FAM110B: variants seen among roughly 807,000 people sequenced by gnomAD.
FAM110B encodes the protein family with sequence similarity 110 member B.
FAM110B carries 6 observed loss-of-function variants against 20.4 expected under a neutral mutation model. The observed-to-expected ratio is 0.29, with a 90% CI of 0.16 to 0.58. FAM110B has a LOEUF of 0.58. Ranked by LOEUF, FAM110B falls within the 20% of genes least tolerant of loss-of-function variation. The pLI, the probability that FAM110B is intolerant of heterozygous loss-of-function variation, is 0.90. For synonymous variants in FAM110B, 226 were observed against 214.1 expected (o/e 1.06, Z -0.49); for missense variants, 434 against 498.2 (o/e 0.87, Z 1.23).
At chr8:58,077,061 A>T (rs1257832167) in intron 3 of FAM110B, 2 of 151,924 alleles carry the variant, frequency 1.3e-5, no homozygotes, top group Non-Finnish European at 2.9e-5. Flanking sequence ...AGCCAACAAC[A>T]CCCCTCAGTG....
At chr8:58,015,759 C>T (rs1421405855) in intron 1 of FAM110B, among the ~76,000 whole-genome samples, 2 of 150,632 alleles carry the variant, frequency 1.3e-5, no homozygotes, top group African/African-American at 4.9e-5. Context: ...GCAGGACAAT[C>T]GCTTGAATCC....
chr8:58,056,449 A>G (rs925395232), intron 2 of FAM110B, among the ~76,000 whole-genome samples: 2 of 152,196 alleles, frequency 1.3e-5, no homozygotes, highest in African/African-American at 2.4e-5. Flanking sequence ...AAGTCAGACT[A>G]AGAGAGAGCA....
intron 3 of FAM110B, among the ~76,000 whole-genome samples, chr8:58,092,965 C>T (rs911201460): frequency 7.9e-5 from 12 of 152,058 alleles, no homozygotes; most frequent in African/African-American, 2.7e-4. Flanking sequence ...GGTATCTCAT[C>T]GTGGTTTTGT....
chr8:58,080,942 C>T (rs2150596949), intron 3 of FAM110B, among the ~76,000 whole-genome samples: 1 of 152,290 alleles, frequency 6.6e-6, no homozygotes, highest in South Asian at 2.1e-4. Flanking sequence ...AGCTCCACAT[C>T]ATCCTTGGTC....
At chr8:58,053,288 A>G (rs1805490346) in intron 2 of FAM110B, among the ~76,000 whole-genome samples, 1 of 152,190 alleles carries the variant, frequency 6.6e-6, no homozygotes, top group Admixed American at 6.5e-5. Flanking sequence ...GTGGTGAGGA[A>G]TGGTCAGGTT....
intron 1 of FAM110B, among the ~76,000 whole-genome samples, chr8:57,999,630 T>C (rs555766195): frequency 8.5e-5 from 13 of 152,308 alleles, no homozygotes; most frequent in Admixed American, 3.9e-4. Flanking sequence ...TAAACAGATA[T>C]TGATAGAGGA....
intron 2 of FAM110B, among the ~76,000 whole-genome samples, chr8:58,040,658 G>T (rs927132804): frequency 2.0e-5 from 3 of 152,008 alleles, no homozygotes; most frequent in African/African-American, 7.2e-5. Context: ...CACCTTTTTT[G>T]CTAACAATTA....
chr8:58,125,077 G>A (rs962626336), intron 3 of FAM110B, among the ~76,000 whole-genome samples: 4 of 152,232 alleles, frequency 2.6e-5, no homozygotes, highest in African/African-American at 9.6e-5. Context: ...GCCAGGTGCA[G>A]TGGCTTATGC....
In FAM110B at chr8:58,148,299, G is replaced by A. The variant is rs1803919046; in HGVS notation, c.*956G>A. ...TTTGAGCTATCTGAAGACATGAACA[G>A]AAGTCAAATACCAGCCATATCAGTA... is the stretch of plus-strand genomic sequence containing the variant. On this transcript the variant is annotated 3_prime_UTR_variant, in exon 4 of 4. Coordinates refer to ENST00000519262, the MANE Select transcript of FAM110B (RefSeq NM_001377989.1). 6.0e-6 allele frequency: 1 copy of A among 165,848 alleles called. No individual in the cohort carries two copies. The highest frequency in any genetic ancestry group is 2.1e-4 in the South Asian group (1 of 4,738). 10.3% of individuals were successfully genotyped at this position (165,848 alleles called of 1,614,324 possible). A position where few individuals can be genotyped will look rare whatever the true frequency, so the allele number is the denominator to read the frequency against.
At chr8:58,141,892 G>A (rs916646567) in intron 3 of FAM110B, among the ~76,000 whole-genome samples, 20 of 152,274 alleles carry the variant, frequency 1.3e-4, no homozygotes, top group Admixed American at 1.0e-3. Context: ...CAAATTGCCC[G>A]GATTACAGGA....
intron 1 of FAM110B, among the ~76,000 whole-genome samples, chr8:58,006,200 T>G (rs951978859): frequency 6.6e-6 from 1 of 152,280 alleles, no homozygotes; most frequent in African/African-American, 2.4e-5. Context: ...CTTTGCTTTC[T>G]GAGAGTTTAG....
chr8:58,074,151 C>T (rs1380540596), intron 2 of FAM110B, among the ~76,000 whole-genome samples: 1 of 152,206 alleles, frequency 6.6e-6, no homozygotes, highest in East Asian at 1.9e-4. Context: ...TAGAGCAGCT[C>T]TCTGACCCAG....
intron 3 of FAM110B, among the ~76,000 whole-genome samples, chr8:58,127,245 G>A (rs1214410194): frequency 6.6e-6 from 1 of 152,164 alleles, no homozygotes; most frequent in Non-Finnish European, 1.5e-5. Context: ...TATATGTTGT[G>A]CTCCACTGAT....
chr8:58,145,490 C>T (rs990442108), intron 3 of FAM110B, among the ~76,000 whole-genome samples: 5 of 152,028 alleles, frequency 3.3e-5, no homozygotes, highest in Admixed American at 3.3e-4. Context: ...AACCGGGGGG[C>T]ATGGAAGGGA....
At chr8:58,065,539 T>C (rs1805742561) in intron 2 of FAM110B, among the ~76,000 whole-genome samples, 1 of 152,190 alleles carries the variant, frequency 6.6e-6, no homozygotes, top group African/African-American at 2.4e-5. Context: ...TTCATAGCTC[T>C]CATTAAACAA....
chr8:57,996,112 A>G (rs745939667), intron 1 of FAM110B, among the ~76,000 whole-genome samples: 8 of 152,242 alleles, frequency 5.3e-5, no homozygotes, highest in African/African-American at 9.6e-5. Context: ...TTTATTAAGC[A>G]TAGTTATTCT....
intron 3 of FAM110B, among the ~76,000 whole-genome samples, chr8:58,079,011 G>T (rs1164242545): frequency 6.6e-6 from 1 of 152,026 alleles, no homozygotes; most frequent in African/African-American, 2.4e-5. Context: ...GTTTCCTAAA[G>T]CTGGTCCTCC....
At chr8:57,995,170 C>T (rs1363852439) in intron 1 of FAM110B, among the ~76,000 whole-genome samples, 2 of 152,142 alleles carry the variant, frequency 1.3e-5, no homozygotes, top group Non-Finnish European at 2.9e-5. Context: ...GGAAGCTGGC[C>T]GCGCTGCGGA....
intron 3 of FAM110B, among the ~76,000 whole-genome samples, chr8:58,108,725 A>G (rs1033629851): frequency 6.6e-6 from 1 of 152,184 alleles, no homozygotes; most frequent in Admixed American, 6.5e-5. Context: ...TTCATGGGTT[A>G]TGACTGGGCT....
Sources: gnomAD v4.1 joint callset for allele counts (sites outside exome capture counted in the v4.1 genomes callset) on GRCh38, gnomAD v4.1.1 for gene constraint, MANE v1.5 for transcripts, NCBI Gene and HGNC (gene_info 2026-07-23, HGNC 2026-07-21) for gene names.